The following WNT5A variants were observed in gnomAD, a reference collection of about 807,000 sequenced individuals.
WNT5A encodes the protein protein Wnt-5a.
In WNT5A, 9 loss-of-function variants were observed where a neutral mutation model predicts 42.1. The ratio of observed to expected loss-of-function variants is 0.21; its 90% confidence interval spans 0.13 to 0.37. The LOEUF (loss-of-function observed/expected upper bound fraction) is 0.37. Ranked by LOEUF, WNT5A falls within the 10% of genes least tolerant of loss-of-function variation. The probability of loss-of-function intolerance (pLI) is 1.00; values close to 1 mark genes in which losing one functional copy is unlikely to be tolerated. For missense variants in WNT5A, 426 were observed against 534.0 expected, an observed-to-expected ratio of 0.80 and a Z score of 1.99; for synonymous variants, 210 against 210.0, an observed-to-expected ratio of 1.00 and a Z score of 0.00.
chr3:55,496,103 G>T, the WNT5A span, among the ~76,000 whole-genome samples: 3 of 151,848 alleles, frequency 2.0e-5, no homozygotes, highest in Admixed American at 6.6e-5. Context: ...CCCTTAAAAG[G>T]TACCTGATGT....
chr3:55,486,703 A>G lies in WNT5A; in HGVS notation c.6+277T>C, dbSNP rs566012156. 3.3e-5 allele frequency among the ~76,000 whole-genome samples: 5 copies of G among 152,332 alleles called. No homozygotes were observed. The East Asian group carries it at 9.7e-4, about 29-fold the overall frequency. On this transcript the variant is annotated intron_variant, in intron 1 of 4. Transcript: ENST00000264634. ...GGAAAGTCGTCAGTGAACCGCACTC[A>G]GTTTGTCTACTATCGCTCTTCCCCA...
chr3:55,485,802 G>GATTA (rs1399755670), intron 1 of WNT5A, among the ~76,000 whole-genome samples: 1 of 152,170 alleles, frequency 6.6e-6, no homozygotes, highest in Non-Finnish European at 1.5e-5. Flanking sequence ...ACCAGACAGG[G>GATTA]ATTAGAAAGT....
chr3:55,502,041 C>T, the WNT5A span, among the ~76,000 whole-genome samples: 11 of 152,172 alleles, frequency 7.2e-5, no homozygotes, highest in Non-Finnish European at 1.5e-4. Flanking sequence ...ACTAGCCACA[C>T]GTCATGCTAT....
At chr3:55,499,974 C>CCCG in the WNT5A span, among the ~76,000 whole-genome samples, 1 of 69,894 alleles carries the variant, frequency 1.4e-5, no homozygotes, top group Non-Finnish European at 2.9e-5. Context: ...GACTCCATCC[C>CCCG]CCCTCCAAAA....
rs1310517844 is a variant in WNT5A at position 55,483,287 on chromosome 3, G to GC, written c.7-2370dup. Among the ~76,000 whole-genome samples, 5 of 152,086 alleles carry GC rather than the reference G, an allele frequency of 3.3e-5. No individual in the cohort carries two copies. The highest frequency in any genetic ancestry group is 1.2e-4 in the African/African-American group (5 of 41,408). ...ATCGGAAAGGAGAGCCTCACGAGTCGCATCTCCACTTAACCCCGCCGCTTG... is the reference window on the plus strand; with the variant it reads ...ATCGGAAAGGAGAGCCTCACGAGTCGCCATCTCCACTTAACCCCGCCGCTTG... On this transcript the variant is annotated intron_variant, in intron 1 of 4. Coordinates refer to ENST00000264634, the MANE Select transcript of WNT5A (RefSeq NM_003392.7). The surrounding 1 kb of genome is among the most constrained non-coding windows in gnomAD (Gnocchi z 4.2).
chr3:55,473,317 A>G (rs936082813), intron 4 of WNT5A, among the ~76,000 whole-genome samples: 2 of 152,204 alleles, frequency 1.3e-5, no homozygotes, highest in African/African-American at 4.8e-5. Flanking sequence ...AATACAGAAG[A>G]GTGAAATCTC....
At chr3:55,494,923 C>T (rs2051699878), upstream of WNT5A, among the ~76,000 whole-genome samples, 1 of 152,150 alleles carries the variant, frequency 6.6e-6, no homozygotes. Flanking sequence ...TCATGGCCAC[C>T]TGGAAAGCCT....
chr3:55,476,378 G>A (rs1353357167), intron 3 of WNT5A, among the ~76,000 whole-genome samples: 1 of 152,204 alleles, frequency 6.6e-6, no homozygotes, highest in African/African-American at 2.4e-5. Context: ...CGGGATTAGA[G>A]AGGCAGAGCA....
At chr3:55,485,004 G>A (rs2051548590) in intron 1 of WNT5A, among the ~76,000 whole-genome samples, 1 of 152,202 alleles carries the variant, frequency 6.6e-6, no homozygotes, top group Non-Finnish European at 1.5e-5. Flanking sequence ...CCCAAGCCCA[G>A]AAGAAGAGGT....
intron 2 of WNT5A, among the ~76,000 whole-genome samples, chr3:55,480,393 C>T (rs957638850): frequency 6.6e-6 from 1 of 152,146 alleles, no homozygotes; most frequent in East Asian, 1.9e-4. Flanking sequence ...ATAATAATCT[C>T]GAGTAACAGA....
intron 3 of WNT5A, among the ~76,000 whole-genome samples, chr3:55,475,940 T>TG: frequency 6.6e-6 from 1 of 151,876 alleles, no homozygotes; most frequent in East Asian, 1.9e-4. Context: ...GGGGTGGGAT[T>TG]GGGGGGCAGG....
upstream of WNT5A, among the ~76,000 whole-genome samples, chr3:55,490,693 C>T (rs1325719372): frequency 6.6e-6 from 1 of 152,184 alleles, no homozygotes. Flanking sequence ...AAAAAAGCAG[C>T]TCTGAAAACA....
Position 55,474,587 on chromosome 3 carries a change from C to T in WNT5A, c.434G>A (p.Gly145Glu). 6.8e-7 allele frequency: 1 copy of T among 1,480,626 alleles called. No individual in the cohort carries two copies. Among genetic ancestry groups the T allele is most frequent in the Non-Finnish European group, 8.9e-7 (1 of 1,119,798 alleles). The allele number at this position is 1,480,626 out of a possible 1,614,324, so 91.7% of individuals were successfully genotyped here. ...CGCCCGGCTCATGGCGTTCACCACC[C>T]CTGCTGCGCTCACCGCGTATGTGAA... ...TAFTYAVSAAGVVNAMSRACR... is the reference protein window; with the variant it reads ...TAFTYAVSAAEVVNAMSRACR... The change falls in exon 4 of 5, where the codon GGG becomes GAG. Residue 145 changes from glycine (G) to glutamate (E), a missense_variant. Gly to Glu is a moderately conservative substitution (Grantham distance 98). This residue lies in a region of WNT5A where 358 missense variants were observed against 468.1 expected (regional missense o/e 0.76). Transcript: ENST00000264634.
In WNT5A at chr3:55,469,895, C is replaced by T; in HGVS notation, c.*197G>A. The T allele has an allele frequency of 3.7e-6, 2 of 545,840 alleles. No individual in the cohort carries two copies. The highest frequency in any genetic ancestry group is 6.3e-6 in the Non-Finnish European group (2 of 319,762). The allele number at this position is 545,840 out of a possible 1,614,324, so 33.8% of individuals were successfully genotyped here. A position where few individuals can be genotyped will look rare whatever the true frequency, so the allele number is the denominator to read the frequency against. On this transcript the variant is annotated 3_prime_UTR_variant, in exon 5 of 5. Coordinates refer to ENST00000264634, the MANE Select transcript of WNT5A (RefSeq NM_003392.7). ...ATAAATATTTTTCTTGGTTCCCACC[C>T]CCATTATTGCCAAATAATAATTATA...
intron 1 of WNT5A, among the ~76,000 whole-genome samples, chr3:55,484,900 G>T (rs1032261821): frequency 2.0e-5 from 3 of 152,190 alleles, no homozygotes; most frequent in Admixed American, 1.3e-4. Flanking sequence ...TTAAAGTGAG[G>T]CGAAAAGCGG....
chr3:55,483,119 A>G lies in WNT5A; in HGVS notation c.7-2201T>C, dbSNP rs1409630256. On this transcript the variant is annotated intron_variant, in intron 1 of 4. Transcript: ENST00000264634. The surrounding 1 kb of genome is among the most constrained non-coding windows in gnomAD (Gnocchi z 4.2). Reference sequence around the variant, plus strand: ...GTTAGAGCCGAAGCCACACAAACCGAACCCACTCCCAGCCCGAAGCCCCCA... The same window carrying G: ...GTTAGAGCCGAAGCCACACAAACCGGACCCACTCCCAGCCCGAAGCCCCCA... Among the ~76,000 whole-genome samples, 8 of 152,222 alleles carry G rather than the reference A, an allele frequency of 5.3e-5. No homozygotes were observed. The highest frequency in any genetic ancestry group is 5.2e-4 in the Admixed American group (8 of 15,284).
upstream of WNT5A, chr3:55,487,384 G>A (rs2051598745): frequency 4.0e-6 from 1 of 252,540 alleles, no homozygotes; most frequent in African/African-American, 2.3e-5. Context: ...ATGTGGGCGT[G>A]ATTGTGCAAA....
intron 1 of WNT5A, among the ~76,000 whole-genome samples, chr3:55,485,203 T>G (rs1490437844): frequency 6.6e-6 from 1 of 150,762 alleles, no homozygotes; most frequent in East Asian, 2.0e-4. Context: ...GGGGAGCAGC[T>G]GCCCGCCCGC....
chr3:55,466,054 T>A lies in WNT5A; in HGVS notation c.*4038A>T, dbSNP rs2051137566. The A allele has an allele frequency of 1.3e-5, 2 of 152,244 alleles. No homozygotes were observed. The highest frequency in any genetic ancestry group is 1.3e-4 in the Admixed American group (2 of 15,288). 9.4% of individuals were successfully genotyped at this position (152,244 alleles called of 1,614,324 possible). On this transcript the variant is annotated 3_prime_UTR_variant, in exon 5 of 5. Transcript: ENST00000264634. ...GTGAACAGGGAAATTAGATCATTTC[T>A]CTAAGTTTTAATTCCTATGTTTCTG...
Sources: allele counts gnomAD v4.1 joint callset (sites outside exome capture counted in the v4.1 genomes callset), GRCh38; gene constraint gnomAD v4.1.1; regional missense constraint gnomAD v4.1.1; non-coding constraint Gnocchi (gnomAD v3.1); transcripts MANE v1.5; gene names NCBI Gene and HGNC (gene_info 2026-07-23, HGNC 2026-07-21).